OXR1: variants seen among roughly 807,000 people sequenced by gnomAD.
OXR1 encodes the protein oxidation resistance protein 1.
Under a neutral mutation model 104.6 loss-of-function variants are expected in OXR1, and 41 were observed. That is an observed-to-expected ratio of 0.39 (90% CI 0.31 to 0.51). The LOEUF is 0.51. OXR1 is among the 20% of genes least tolerant of loss of function. The pLI, the probability that OXR1 is intolerant of heterozygous loss-of-function variation, is 0.77. For synonymous variants in OXR1, 348 were observed against 348.4 expected (o/e 1.00, Z 0.01); for missense variants, 955 against 1,031.9 (o/e 0.93, Z 1.02).
intron 3 of OXR1, among the ~76,000 whole-genome samples, chr8:106,523,799 G>A (rs932782300): frequency 1.3e-5 from 2 of 151,182 alleles, no homozygotes; most frequent in African/African-American, 4.9e-5. Flanking sequence ...TTTTGAGACG[G>A]AGTCTCGCTC....
At chr8:106,726,419 A>G in intron 11 of OXR1, 1 of 607,386 alleles carries the variant, frequency 1.6e-6, no homozygotes, top group East Asian at 3.2e-5. Context: ...TATTTATAGA[A>G]TACAAAATTT....
chr8:106,601,633 C>A (rs534790664), intron 3 of OXR1, among the ~76,000 whole-genome samples: 6 of 152,278 alleles, frequency 3.9e-5, no homozygotes, highest in East Asian at 1.9e-4. Context: ...TATATGAATT[C>A]TGGGGAGTCA....
At chr8:106,381,597 C>T (rs1191373472) in intron 2 of OXR1, among the ~76,000 whole-genome samples, 6 of 152,142 alleles carry the variant, frequency 3.9e-5, no homozygotes, top group Non-Finnish European at 7.4e-5. Flanking sequence ...GGGATCTAAA[C>T]ACACAGGTTA....
rs1253202486 is a variant in OXR1, at chr8:106,484,820, C to G, written c.24-34123C>G. On this transcript the variant is annotated intron_variant, in intron 2 of 16. Coordinates refer to ENST00000517566, the MANE Select transcript of OXR1 (RefSeq NM_001198533.2). ...ACTAAACATATACTTACCACATGACCCAGCAATCACACTCCTTGGTATTTA... is the reference window on the plus strand; with the variant it reads ...ACTAAACATATACTTACCACATGACGCAGCAATCACACTCCTTGGTATTTA... 2.0e-5 allele frequency among the ~76,000 whole-genome samples: 3 copies of G among 151,952 alleles called. No individual in the cohort carries two copies. The East Asian group carries it at 5.8e-4, about 30-fold the overall frequency.
intron 3 of OXR1, among the ~76,000 whole-genome samples, chr8:106,597,349 G>C (rs938528613): frequency 2.0e-5 from 3 of 152,070 alleles, no homozygotes; most frequent in African/African-American, 7.2e-5. Context: ...GAGAAAGCAG[G>C]CTCCTTCCAG....
chr8:106,561,842 G>A (rs1816706474), intron 3 of OXR1, among the ~76,000 whole-genome samples: 1 of 152,176 alleles, frequency 6.6e-6, no homozygotes, highest in Admixed American at 6.5e-5. Context: ...ACAGGGTCTG[G>A]AGTGGACATC....
In OXR1 at chr8:106,654,636, A is replaced by G. The variant is rs1386851628; in HGVS notation, c.221-24574A>G. On this transcript the variant is annotated intron_variant, in intron 3 of 16. Transcript: ENST00000517566. Reference sequence around the variant, plus strand: ...ACCTAATATAAGAGCTAAATAAAATAAAACTCATAGAAAAAACATAATAGT... The same window carrying G: ...ACCTAATATAAGAGCTAAATAAAATGAAACTCATAGAAAAAACATAATAGT... 3.3e-5 allele frequency among the ~76,000 whole-genome samples: 5 copies of G among 152,188 alleles called. No homozygotes were observed. The East Asian group carries it at 7.7e-4, about 23-fold the overall frequency.
intron 3 of OXR1, among the ~76,000 whole-genome samples, chr8:106,564,231 G>T (rs879244419): frequency 6.6e-6 from 1 of 151,840 alleles, no homozygotes; most frequent in Non-Finnish European, 1.5e-5. Context: ...TTGATAGACC[G>T]CTAGCCATAC....
At chr8:106,319,680 G>A (rs775423098) in intron 1 of OXR1, among the ~76,000 whole-genome samples, 42 of 152,276 alleles carry the variant, frequency 2.8e-4, no homozygotes, top group African/African-American at 7.5e-4. Flanking sequence ...CCGTTTTCCC[G>A]TAGGCAGCAT....
At position 106,634,677 on chromosome 8, in the gene OXR1, G is replaced by A. The variant is rs530623868; in HGVS notation, c.221-44533G>A. On this transcript the variant is annotated intron_variant, in intron 3 of 16. Coordinates refer to ENST00000517566, the MANE Select transcript of OXR1 (RefSeq NM_001198533.2). ...TTAATAAATTATTCCCAAAAAAGATGAGCTTGAATCTATTCAAGTTTTTTA... is the reference window on the plus strand; with the variant it reads ...TTAATAAATTATTCCCAAAAAAGATAAGCTTGAATCTATTCAAGTTTTTTA... Among the ~76,000 whole-genome samples, 579 of 152,140 alleles carry A rather than the reference G, an allele frequency of 3.8e-3. 3 individuals carry two copies. The highest frequency in any genetic ancestry group is 0.013 in the African/African-American group (544 of 41,496).
intron 2 of OXR1, among the ~76,000 whole-genome samples, chr8:106,423,216 A>T (rs992407443): frequency 2.0e-5 from 3 of 152,196 alleles, no homozygotes; most frequent in Non-Finnish European, 4.4e-5. Context: ...AAAACATTTC[A>T]AAAAAGACTA....
chr8:106,392,481 G>T (rs780487102), intron 2 of OXR1, among the ~76,000 whole-genome samples: 9 of 152,102 alleles, frequency 5.9e-5, no homozygotes, highest in Non-Finnish European at 1.3e-4. Context: ...CATACACAAG[G>T]TCACAGAGGT....
intron 1 of OXR1, among the ~76,000 whole-genome samples, chr8:106,278,652 A>G (rs1422806977): frequency 2.0e-5 from 3 of 152,176 alleles, no homozygotes; most frequent in East Asian, 1.9e-4. Context: ...GCTTTCTCTC[A>G]TTTATTTTTC....
At chr8:106,408,574 ATC>A (rs2130499441) in intron 2 of OXR1, among the ~76,000 whole-genome samples, 2 of 152,328 alleles carry the variant, frequency 1.3e-5, no homozygotes, top group African/African-American at 4.8e-5. Context: ...GCAAACTAAT[ATC>A]TCACTGGTGG....
intron 2 of OXR1, among the ~76,000 whole-genome samples, chr8:106,468,677 A>G (rs1206431117): frequency 1.3e-5 from 2 of 151,772 alleles, no homozygotes; most frequent in Admixed American, 1.3e-4. Context: ...TTATGATGTG[A>G]TATATTTGGA....
intron 1 of OXR1, among the ~76,000 whole-genome samples, chr8:106,331,062 T>C (rs2130225051): frequency 6.6e-6 from 1 of 152,336 alleles, no homozygotes; most frequent in East Asian, 1.9e-4. Flanking sequence ...CAGTGATTTA[T>C]TTTTGGTGAG....
rs750972238 is a variant in OXR1, at chr8:106,692,760, C to G, written c.558C>G (p.Pro186=). The change falls in exon 7 of 17, where the codon CCC becomes CCG. Residue 186 remains proline (P), a synonymous_variant. Coordinates refer to ENST00000517566, the MANE Select transcript of OXR1 (RefSeq NM_001198533.2). The stretch of plus-strand genomic sequence containing the variant: ...ATGTCCATCCAACAGAAGCAACTCC[C>G]TCATCTACTTTCACTGGTATTCGAC... ...NPDVHPTEAT[P]SSTFTGIRPA... is the part of the protein sequence containing the mutation. The G allele has an allele frequency of 1.3e-6, 2 of 1,566,064 alleles. No individual in the cohort carries two copies. Among genetic ancestry groups the G allele is most frequent in the Admixed American group, 3.6e-5 (2 of 55,090 alleles).
chr8:106,622,293 G>GC lies in OXR1; in HGVS notation c.221-56915dup, dbSNP rs199613219. 6.1e-3 allele frequency among the ~76,000 whole-genome samples: 926 copies of GC among 152,082 alleles called. 5 individuals carry two copies. The highest frequency in any genetic ancestry group is 9.3e-3 in the Non-Finnish European group (635 of 67,990). On this transcript the variant is annotated intron_variant, in intron 3 of 16. Coordinates refer to ENST00000517566, the MANE Select transcript of OXR1 (RefSeq NM_001198533.2). ...GCACTGTGCAAGAGACTCCCAACCG[G>GC]CCTCCTGTCTCTGCTTTTGCTCCCC...
At chr8:106,326,282 A>C (rs923914650) in intron 1 of OXR1, among the ~76,000 whole-genome samples, 1 of 152,238 alleles carries the variant, frequency 6.6e-6, no homozygotes, top group African/African-American at 2.4e-5. Flanking sequence ...AGAAAACAAC[A>C]ACCATGATGA....
Sources: allele counts gnomAD v4.1 joint callset (sites outside exome capture counted in the v4.1 genomes callset), GRCh38; gene constraint gnomAD v4.1.1; transcripts MANE v1.5; gene names NCBI Gene and HGNC (gene_info 2026-07-23, HGNC 2026-07-21).